The following MOK variants were observed in gnomAD, a reference collection of about 807,000 sequenced individuals.
The protein encoded by MOK is MOK protein kinase.
Under a neutral mutation model 54.2 loss-of-function variants are expected in MOK, and 59 were observed. The observed-to-expected ratio is 1.09, with a 90% confidence interval of 0.88 to 1.35. The LOEUF (loss-of-function observed/expected upper bound fraction) is 1.35, where lower values mean the gene tolerates loss of function less well. MOK is among the 40% of genes most tolerant of loss of function. The pLI is 0.00. For missense variants in MOK, 517 were observed against 526.2 expected, an observed-to-expected ratio of 0.98 and a Z score of 0.17; for synonymous variants, 210 against 202.7, an observed-to-expected ratio of 1.04 and a Z score of -0.31.
chr14:102,286,205 A>C (rs948266048), intron 1 of MOK, among the ~76,000 whole-genome samples: 2 of 146,848 alleles, frequency 1.4e-5, no homozygotes, highest in East Asian at 2.1e-4. Flanking sequence ...AGGCTGAGGC[A>C]GGAGAATGGC....
At chr14:102,297,360 AAAT>A (rs1277594963) in intron 1 of MOK, among the ~76,000 whole-genome samples, 108 of 151,472 alleles carry the variant, frequency 7.1e-4, no homozygotes, top group African/African-American at 2.6e-3. Flanking sequence ...TCCGTCTCAA[AAAT>A]AATAATAACA....
At chr14:102,267,131 G>C (rs2067979057) in intron 2 of MOK, among the ~76,000 whole-genome samples, 1 of 152,162 alleles carries the variant, frequency 6.6e-6, no homozygotes, top group Non-Finnish European at 1.5e-5. Flanking sequence ...TCATCTCAGG[G>C]GCTCCAAAAG....
intron 7 of MOK, among the ~76,000 whole-genome samples, chr14:102,239,952 C>CT (rs2065575749): frequency 6.6e-6 from 1 of 152,162 alleles, no homozygotes; most frequent in African/African-American, 2.4e-5. Flanking sequence ...CCAGGTCATC[C>CT]TTACTGTCAG....
intron 7 of MOK, among the ~76,000 whole-genome samples, chr14:102,234,798 C>T (rs113447078): frequency 0.01 from 1,564 of 152,288 alleles, 27 homozygotes; most frequent in African/African-American, 0.036. Context: ...ACTTTCGATT[C>T]CGACATGCTC....
At position 102,234,546 on chromosome 14, in the gene MOK, A is replaced by T. The variant is rs938973370; in HGVS notation, c.591-757T>A. Among the ~76,000 whole-genome samples the T allele has an allele frequency of 4.0e-5, 6 of 151,610 alleles. No individual in the cohort carries two copies. The East Asian group carries it at 1.2e-3, about 29-fold the overall frequency. On this transcript the variant is annotated intron_variant, in intron 7 of 11. Coordinates refer to ENST00000361847, the MANE Select transcript of MOK (RefSeq NM_014226.3). ...GGTGGTTACCTCCTCTATTCCTGAC[A>T]AGTTCCGCGGGAAAGGGGACGTCAC...
At chr14:102,233,448 T>C (rs952567955) in intron 8 of MOK, 1 of 492,010 alleles carries the variant, frequency 2.0e-6, no homozygotes, top group Non-Finnish European at 3.7e-6. Context: ...TCCCCAGCCC[T>C]CAGAAAGCCT....
At chr14:102,279,284 C>CGTTGTTGTTGTTGTTGTTGTTGTTGTT (rs71116892) in intron 2 of MOK, among the ~76,000 whole-genome samples, 1 of 150,806 alleles carries the variant, frequency 6.6e-6, no homozygotes, top group Admixed American at 6.6e-5. Flanking sequence ...GCAAGAGAAC[C>CGTTGTTGTTGTTGTTGTTGTTGTTGTT]GTTGTTGTTG....
At position 102,245,013 on chromosome 14, in the gene MOK, G is replaced by A. The variant is rs745688944; in HGVS notation, c.590+5799C>T. ...ACTCACCAACCAAGCAAGTAATTAC[G>A]CTGAACCCCCTTGGGCACTCCCTAA... On this transcript the variant is annotated intron_variant, in intron 7 of 11. Transcript: ENST00000361847. The surrounding 1 kb of genome is among the most constrained non-coding windows in gnomAD (Gnocchi z 4.3). 7.2e-5 allele frequency among the ~76,000 whole-genome samples: 11 copies of A among 152,248 alleles called. No homozygotes were observed. Among genetic ancestry groups the A allele is most frequent in the South Asian group, 2.1e-4 (1 of 4,822 alleles).
At chr14:102,248,329 A>G (rs564907203) in intron 7 of MOK, among the ~76,000 whole-genome samples, 16 of 152,100 alleles carry the variant, frequency 1.1e-4, no homozygotes, top group Admixed American at 3.9e-4. Context: ...CCTTGCTGTG[A>G]TAAGCAAACC....
In MOK at chr14:102,249,641, G is replaced by A. The variant is rs557473341; in HGVS notation, c.590+1171C>T. Among the ~76,000 whole-genome samples, 57 of 152,186 alleles carry A rather than the reference G, an allele frequency of 3.7e-4. No individual in the cohort carries two copies. Among genetic ancestry groups the A allele is most frequent in the Non-Finnish European group, 5.7e-4 (39 of 68,032 alleles). On this transcript the variant is annotated intron_variant, in intron 7 of 11. Coordinates refer to ENST00000361847, the MANE Select transcript of MOK (RefSeq NM_014226.3). The surrounding 1 kb of genome is among the most constrained non-coding windows in gnomAD (Gnocchi z 5.3). ...GGAGAATCGCTAGAACCCGGGAGGC[G>A]GAGGCTGCGGTGAGCCAAGATCGCA...
At chr14:102,291,148 G>T (rs1460374145) in intron 1 of MOK, among the ~76,000 whole-genome samples, 2 of 152,118 alleles carry the variant, frequency 1.3e-5, no homozygotes, top group Non-Finnish European at 1.5e-5. Flanking sequence ...GACAGAGCAC[G>T]GTACCATATC....
In MOK at chr14:102,305,000, C is replaced by G; in HGVS notation, c.-32G>C. The G allele has an allele frequency of 6.2e-7, 1 of 1,608,860 alleles. No individual in the cohort carries two copies. On this transcript the variant is annotated 5_prime_UTR_variant, in exon 1 of 12. Coordinates refer to ENST00000361847, the MANE Select transcript of MOK (RefSeq NM_014226.3). ...TGCGGAAGCCGGTGACAACCCCTTG[C>G]CGACACTGGACGGAAAAGAAAGAAG...
intron 1 of MOK, among the ~76,000 whole-genome samples, chr14:102,294,206 G>T (rs956222734): frequency 1.3e-5 from 2 of 151,198 alleles, no homozygotes; most frequent in Non-Finnish European, 2.9e-5. Context: ...CAGCACTTTG[G>T]GAGGCCAAGG....
intron 1 of MOK, 36 bp downstream of exon 1, chr14:102,304,919 CACTCGCT>C: frequency 6.3e-7 from 1 of 1,578,338 alleles, no homozygotes; most frequent in Non-Finnish European, 8.6e-7. Flanking sequence ...CCTCCCCCGC[CACTCGCT>C]CTCCAGTCCC....
rs771538724 is a variant in MOK at position 102,265,840 on chromosome 14, C to T, written c.195G>A (p.Met65Ile). ...RRLNPHPNIL[M>I]LHEVVFDRKS... Reference sequence around the variant, plus strand: ...ATACTTACAAAACCACTTCATGCAACATAAGAATGTTTGGGTGCGGATTCA... The same window carrying T: ...ATACTTACAAAACCACTTCATGCAATATAAGAATGTTTGGGTGCGGATTCA... The change falls in exon 3 of 12, where the codon ATG becomes ATA. Residue 65 changes from methionine (M) to isoleucine (I), a missense_variant. Physicochemically the swap from Met to Ile is conservative, Grantham distance 10. Coordinates refer to ENST00000361847, the MANE Select transcript of MOK (RefSeq NM_014226.3). The T allele has an allele frequency of 4.3e-6, 7 of 1,613,864 alleles. No homozygotes were observed. Among genetic ancestry groups the T allele is most frequent in the Admixed American group, 1.7e-5 (1 of 60,002 alleles).
Position 102,232,397 on chromosome 14 carries a change from G to A in MOK, c.866+138C>T. On this transcript the variant is annotated intron_variant, in intron 9 of 11. Coordinates refer to ENST00000361847, the MANE Select transcript of MOK (RefSeq NM_014226.3). The surrounding 1 kb of genome is among the most constrained non-coding windows in gnomAD (Gnocchi z 5.1). ...CACGGTGTGGGCCCCAAGAGGCCCTGACCACTCTTCAGGATAGAGAGCGCG... is the reference window on the plus strand; with the variant it reads ...CACGGTGTGGGCCCCAAGAGGCCCTAACCACTCTTCAGGATAGAGAGCGCG... 1 of 1,024,654 alleles carries A rather than the reference G, an allele frequency of 9.8e-7. No individual in the cohort carries two copies. Among genetic ancestry groups the A allele is most frequent in the Non-Finnish European group, 1.4e-6 (1 of 716,676 alleles). The allele number at this position is 1,024,654 out of a possible 1,614,324, so 63.5% of individuals were successfully genotyped here. A position where few individuals can be genotyped will look rare whatever the true frequency, so the allele number is the denominator to read the frequency against.
downstream of MOK, among the ~76,000 whole-genome samples, chr14:102,221,142 A>G (rs1268601175): frequency 6.6e-6 from 1 of 152,168 alleles, no homozygotes; most frequent in African/African-American, 2.4e-5. The surrounding 1 kb of genome is among the most constrained non-coding windows in gnomAD (Gnocchi z 4.8). Flanking sequence ...TCCTACCTGG[A>G]GCAGCACTCA....
chr14:102,229,974 T>C (rs1367207112), intron 10 of MOK: 8 of 334,822 alleles, frequency 2.4e-5, no homozygotes, highest in Non-Finnish European at 3.8e-5. Context: ...TCTCACACCC[T>C]GATCTGCCTG....
chr14:102,283,682 A>C, intron 1 of MOK, 90 bp from the exon 2 acceptor site: 1 of 745,512 alleles, frequency 1.3e-6, no homozygotes, highest in South Asian at 1.9e-5. Flanking sequence ...TCTATAAGAT[A>C]ATTTAAACAG....
Sources: allele counts gnomAD v4.1 joint callset (sites outside exome capture counted in the v4.1 genomes callset), GRCh38; gene constraint gnomAD v4.1.1; non-coding constraint Gnocchi (gnomAD v3.1); transcripts MANE v1.5; gene names NCBI Gene and HGNC (gene_info 2026-07-23, HGNC 2026-07-21).